ESPN: variants seen among roughly 807,000 people sequenced by gnomAD.
The protein encoded by ESPN is espin.
ESPN carries 68 observed loss-of-function variants against 77.7 expected under a neutral mutation model. The observed-to-expected ratio is 0.87, with a 90% CI of 0.72 to 1.07. The LOEUF (loss-of-function observed/expected upper bound fraction) is 1.07. ESPN is among the 50% of genes least tolerant of loss of function. ESPN has a pLI of 0.00. For missense variants in ESPN, 1,060 were observed against 1,239.0 expected, an observed-to-expected ratio of 0.86 and a Z score of 2.17; for synonymous variants, 449 against 567.1, an observed-to-expected ratio of 0.79 and a Z score of 2.96.
chr1:6,451,597 G>A lies in ESPN; in HGVS notation c.1916-6G>A, dbSNP rs570137188. The A allele has an allele frequency of 4.9e-5, 79 of 1,611,996 alleles. 1 individual carries two copies. The highest frequency in any genetic ancestry group is 3.3e-4 in the Middle Eastern group (2 of 6,040). On this transcript the variant is annotated splice_region_variant and splice_polypyrimidine_tract_variant and intron_variant, in intron 8 of 12. Transcript: ENST00000645284. The surrounding 1 kb of genome is among the most constrained non-coding windows in gnomAD (Gnocchi z 4.3). The stretch of plus-strand genomic sequence containing the variant: ...GGCCAGTGCCTCATCTCCTGCCTCC[G>A]CATAGGCACCAAGTCTTTCAACATG...
chr1:6,440,532 G>A lies in ESPN; in HGVS notation c.675+92G>A, dbSNP rs1643587406. On this transcript the variant is annotated intron_variant, in intron 3 of 12. Coordinates refer to ENST00000645284, the MANE Select transcript of ESPN (RefSeq NM_031475.3). ...GAGCGGGGCCATCAGGGGTGGGGCG[G>A]GGGGGCGGGGGCGGGCCACGGAGGT... 15 of 890,036 alleles carry A rather than the reference G, an allele frequency of 1.7e-5. No homozygotes were observed. In the South Asian group the frequency reaches 2.4e-4, roughly 14 times the overall value. The allele number at this position is 890,036 out of a possible 1,614,324, so 55.1% of individuals were successfully genotyped here. A position where few individuals can be genotyped will look rare whatever the true frequency, so the allele number is the denominator to read the frequency against.
intron 10 of ESPN, chr1:6,455,255 C>G: frequency 5.1e-6 from 2 of 389,684 alleles, no homozygotes. Flanking sequence ...GCGTCCAGGA[C>G]TACCTCGACC....
intron 6 of ESPN, among the ~76,000 whole-genome samples, chr1:6,445,120 C>G (rs1569680982): frequency 6.6e-6 from 1 of 151,724 alleles, no homozygotes; most frequent in Non-Finnish European, 1.5e-5. Context: ...CACATACACA[C>G]CATGTCCACA....
rs543768706 is a variant in ESPN at position 6,449,070 on chromosome 1, C to T, written c.1894C>T (p.Arg632Cys). 685 of 1,483,524 alleles carry T rather than the reference C, an allele frequency of 4.6e-4. 14 individuals carry two copies. The South Asian group carries it at 8.2e-3, about 18-fold the overall frequency. The allele number at this position is 1,483,524 out of a possible 1,614,324, so 91.9% of individuals were successfully genotyped here. A position where few individuals can be genotyped will look rare whatever the true frequency, so the allele number is the denominator to read the frequency against. The change falls in exon 8 of 13, where the codon CGC becomes TGC. Residue 632 changes from arginine to cysteine, a missense_variant. This residue lies in a region of ESPN where 374 missense variants were observed against 381.4 expected (regional missense o/e 0.98). Transcript: ENST00000645284. ...CGCTGGCCCTGGCTGCGGGCAGCGCCGCTCCTCCTCGTCCACCGGCAGTGA... is the reference window on the plus strand; with the variant it reads ...CGCTGGCCCTGGCTGCGGGCAGCGCTGCTCCTCCTCGTCCACCGGCAGTGA... The part of the protein sequence containing the change: ...ESAGPGCGQR[R>C]SSSSTGSTKS...
chr1:6,440,373 C>T lies in ESPN; in HGVS notation c.608C>T (p.Ala203Val). The stretch of plus-strand genomic sequence containing the variant: ...TGCGGCGCAGACCCGCACGCGCGCG[C>T]CCACGACGGCATGACCCCGCTGCAC... ...QECGADPHAR[A>V]HDGMTPLHAA... The change falls in exon 3 of 13, where the codon GCC (alanine) becomes GTC (valine). Residue 203 changes from alanine to valine, a missense_variant. Ala to Val is a moderately conservative substitution (Grantham distance 64). Around this residue, in one of 3 missense-constraint regions of ESPN, gnomAD observed 556 missense variants for 633.6 expected, o/e 0.88. Coordinates refer to ENST00000645284, the MANE Select transcript of ESPN (RefSeq NM_031475.3). 1 of 1,588,286 alleles carries T rather than the reference C, an allele frequency of 6.3e-7. No homozygotes were observed. Among genetic ancestry groups the T allele is most frequent in the Non-Finnish European group, 8.6e-7 (1 of 1,168,304 alleles).
In ESPN at chr1:6,428,208, C is replaced by T. The variant is rs1271426697; in HGVS notation, c.295-18C>T. ...GCAGCAACAGGCTTTAGGACTTGAA[C>T]CAGCTCTCCTCCCACAGGACAAAGA... On this transcript the variant is annotated intron_variant, in intron 1 of 12. Coordinates refer to ENST00000645284, the MANE Select transcript of ESPN (RefSeq NM_031475.3). The surrounding 1 kb of genome is among the most constrained non-coding windows in gnomAD (Gnocchi z 5.4). 1 of 1,613,246 alleles carries T rather than the reference C, an allele frequency of 6.2e-7. No individual in the cohort carries two copies. The highest frequency in any genetic ancestry group is 1.1e-5 in the South Asian group (1 of 91,070).
chr1:6,452,025 G>T lies in ESPN; in HGVS notation c.2254G>T (p.Glu752Ter), dbSNP rs781386845. The T allele has an allele frequency of 9.4e-6, 15 of 1,591,764 alleles. No homozygotes were observed. The highest frequency in any genetic ancestry group is 1.3e-5 in the Non-Finnish European group (15 of 1,168,446). ...THDEQGRPIP[E>*]WKRQVMVRKM... ...CGATGAGCAGGGCCGGCCCATCCCCGAGTGGAAGCGCCAGGTGATGGTGCG... is the reference window on the plus strand; with the variant it reads ...CGATGAGCAGGGCCGGCCCATCCCCTAGTGGAAGCGCCAGGTGATGGTGCG... Residue 752 changes from glutamate (E) to a stop codon, truncating the protein, a stop_gained, in exon 10 of 13, where the codon GAG becomes TAG. Transcript: ENST00000645284. LOFTEE classifies it high-confidence loss of function.
chr1:6,434,554 G>A (rs1349246710), intron 2 of ESPN, among the ~76,000 whole-genome samples: 1 of 152,172 alleles, frequency 6.6e-6, no homozygotes, highest in African/African-American at 2.4e-5. Flanking sequence ...TCCCAAGCCT[G>A]TCTGGCAAGT....
chr1:6,453,786 G>A (rs1643996737), intron 10 of ESPN, among the ~76,000 whole-genome samples: 1 of 152,222 alleles, frequency 6.6e-6, no homozygotes, highest in Non-Finnish European at 1.5e-5. Context: ...CCTCTGTGGA[G>A]GCGATGGCAG....
In ESPN at chr1:6,447,934, C is replaced by T. The variant is rs1643878487; in HGVS notation, c.1465-707C>T. 6.6e-6 allele frequency: 1 copy of T among 152,230 alleles called. No individual in the cohort carries two copies. Among genetic ancestry groups the T allele is most frequent in the South Asian group, 2.1e-4 (1 of 4,830 alleles). The allele number at this position is 152,230 out of a possible 1,614,324, so 9.4% of individuals were successfully genotyped here. A position where few individuals can be genotyped will look rare whatever the true frequency, so the allele number is the denominator to read the frequency against. ...AAGTAGTTGGCGCCCCCTGTGGCAT[C>T]CGCGACGGCTGGGGGGGTTCAGCCT... is the stretch of plus-strand genomic sequence containing the variant. On this transcript the variant is annotated intron_variant, in intron 7 of 12. Transcript: ENST00000645284. This position sits in a 1 kb window ranked among gnomAD's most constrained non-coding sequence, Gnocchi z 5.2.
In ESPN at chr1:6,426,045, G is replaced by A. The variant is rs575889515; in HGVS notation, c.294+796G>A. On this transcript the variant is annotated intron_variant, in intron 1 of 12. Transcript: ENST00000645284. ...GCCAGGCCAGAGAGTATCATAGGCC[G>A]AGGTTAGGGATTTGGATGAAATTCT... 7.9e-5 allele frequency among the ~76,000 whole-genome samples: 12 copies of A among 152,312 alleles called. No homozygotes were observed. The East Asian group carries it at 1.2e-3, about 15-fold the overall frequency.
At chr1:6,431,628 C>CAAAAAAAAAAAAAAAAAAAAAAAAA (rs760363517) in intron 2 of ESPN, among the ~76,000 whole-genome samples, 2 of 61,784 alleles carry the variant, frequency 3.2e-5, no homozygotes, top group African/African-American at 4.8e-5. Flanking sequence ...AAGATTCTGT[C>CAAAAAAAAAAAAAAAAAAAAAAAAA]AAAAAAAAAA....
intron 2 of ESPN, among the ~76,000 whole-genome samples, chr1:6,439,342 G>A (rs1478637150): frequency 2.6e-5 from 4 of 152,190 alleles, no homozygotes; most frequent in Admixed American, 1.3e-4. Flanking sequence ...AGCATTATCC[G>A]TTTATCAGAA....
In ESPN at chr1:6,424,946, A is replaced by T; in HGVS notation, c.-10A>T. 2 of 1,438,556 alleles carry T rather than the reference A, an allele frequency of 1.4e-6. No individual in the cohort carries two copies. The highest frequency in any genetic ancestry group is 1.3e-5 in the South Asian group (1 of 75,198). The allele number at this position is 1,438,556 out of a possible 1,614,324, so 89.1% of individuals were successfully genotyped here. A position where few individuals can be genotyped will look rare whatever the true frequency, so the allele number is the denominator to read the frequency against. ...GCTGAGTGCGGAGTCGCGGCGCCGC[A>T]CGCGGCACCATGGCCCTGGAGCAGG... On this transcript the variant is annotated 5_prime_UTR_variant, in exon 1 of 13. Coordinates refer to ENST00000645284, the MANE Select transcript of ESPN (RefSeq NM_031475.3).
At chr1:6,426,238 C>G (rs899659184) in intron 1 of ESPN, among the ~76,000 whole-genome samples, 1 of 152,244 alleles carries the variant, frequency 6.6e-6, no homozygotes, top group East Asian at 1.9e-4. Context: ...GCAAGCCCCT[C>G]TTCCCACCCT....
intron 1 of ESPN, among the ~76,000 whole-genome samples, chr1:6,425,571 G>A (rs1478924952): frequency 6.6e-6 from 1 of 152,238 alleles, no homozygotes; most frequent in African/African-American, 2.4e-5. Context: ...CCTGGAAGTG[G>A]GTGGGACGTG....
intron 3 of ESPN, 32 bp downstream of exon 3, chr1:6,440,472 A>G (rs1161075141): frequency 9.1e-6 from 13 of 1,435,478 alleles, no homozygotes; most frequent in Non-Finnish European, 9.2e-6. Flanking sequence ...GGAGCAGGGG[A>G]GGCGGGGCGG....
Position 6,451,714 on chromosome 1 carries a change from C to G in ESPN, c.2027C>G (p.Thr676Arg), listed in dbSNP as rs771737095. 1.1e-4 allele frequency: 184 copies of G among 1,612,814 alleles called. 2 individuals are homozygous for G. In the Admixed American group the frequency reaches 3.0e-3, roughly 27 times the overall value. The part of the protein sequence containing the change: ...KPTPQSKGLT[T>R]VFSGIGQPAF... Reference sequence around the variant, plus strand: ...ACGCCCCAGAGCAAGGGGCTGACCACAGTGTTCTCAGGCATCGGGCAGCCG... The same window carrying G: ...ACGCCCCAGAGCAAGGGGCTGACCAGAGTGTTCTCAGGCATCGGGCAGCCG... The change falls in exon 9 of 13, where the codon ACA (threonine) becomes AGA (arginine). Residue 676 changes from threonine (T) to arginine (R), a missense_variant. Thr to Arg is a moderately conservative substitution (Grantham distance 71). This residue lies in a region of ESPN where 374 missense variants were observed against 381.4 expected (regional missense o/e 0.98). Coordinates refer to ENST00000645284, the MANE Select transcript of ESPN (RefSeq NM_031475.3). This position sits in a 1 kb window ranked among gnomAD's most constrained non-coding sequence, Gnocchi z 4.3.
In ESPN at chr1:6,444,503, C is replaced by T. The variant is rs1202576065; in HGVS notation, c.1013C>T (p.Ser338Phe). ...ENLSVEHRVL[S>F]RDPSAELEAK... ...CAGAGCGTGGAGCACCGCGTGCTTTCCCGGGATCCATCCGCAGAGCTGGAG... is the reference window on the plus strand; with the variant it reads ...CAGAGCGTGGAGCACCGCGTGCTTTTCCGGGATCCATCCGCAGAGCTGGAG... The change falls in exon 6 of 13, where the codon TCC becomes TTC. Residue 338 changes from serine to phenylalanine, a missense_variant. Physicochemically the swap from Ser to Phe is radical, Grantham distance 155 (BLOSUM62 -2). Around this residue, in one of 3 missense-constraint regions of ESPN, gnomAD observed 556 missense variants for 633.6 expected, o/e 0.88. Transcript: ENST00000645284. The T allele has an allele frequency of 6.2e-7, 1 of 1,614,238 alleles. No homozygotes were observed. The highest frequency in any genetic ancestry group is 8.5e-7 in the Non-Finnish European group (1 of 1,180,032).
Sources: allele counts gnomAD v4.1 joint callset (sites outside exome capture counted in the v4.1 genomes callset), GRCh38; gene constraint gnomAD v4.1.1; regional missense constraint gnomAD v4.1.1; non-coding constraint Gnocchi (gnomAD v3.1); transcripts MANE v1.5; gene names NCBI Gene and HGNC (gene_info 2026-07-23, HGNC 2026-07-21).